Variants in DST observed in about 807,000 individuals in gnomAD.
DST encodes the protein dystonin.
Under a neutral mutation model 875.2 loss-of-function variants are expected in DST, and 253 were observed. The observed-to-expected ratio is 0.29, with a 90% CI of 0.26 to 0.32. The LOEUF is 0.32. DST is among the 10% of genes least tolerant of loss of function. DST has a pLI of 1.00. For missense variants in DST, 8,287 were observed against 9,111.6 expected (o/e 0.91, Z 3.68); for synonymous variants, 3,124 against 3,197.1 (o/e 0.98, Z 0.77).
chr6:56,830,460 C>T (rs2099785657), intron 4 of DST, among the ~76,000 whole-genome samples: 1 of 152,006 alleles, frequency 6.6e-6, no homozygotes, highest in Non-Finnish European at 1.5e-5. Flanking sequence ...CTTTATTTTC[C>T]AAAAATGTTA....
intron 2 of DST, among the ~76,000 whole-genome samples, chr6:56,917,763 T>C (rs1801946888): frequency 6.6e-6 from 1 of 152,244 alleles, no homozygotes; most frequent in African/African-American, 2.4e-5. Context: ...AGGGACAGCT[T>C]CTTTTTCATC....
chr6:56,791,130 T>C (rs760633559), intron 4 of DST, among the ~76,000 whole-genome samples: 5 of 152,196 alleles, frequency 3.3e-5, no homozygotes, highest in Non-Finnish European at 7.3e-5. Flanking sequence ...CACGAATCCT[T>C]TATCCTTTAT....
chr6:56,496,681 TA>T (rs1432454828), intron 82 of DST, among the ~76,000 whole-genome samples: 5 of 152,092 alleles, frequency 3.3e-5, no homozygotes, highest in Non-Finnish European at 5.9e-5. Flanking sequence ...GGTTTGTGTC[TA>T]AAAAGTGTCT....
intron 4 of DST, among the ~76,000 whole-genome samples, chr6:56,791,671 G>A (rs1260389545): frequency 6.6e-6 from 1 of 151,560 alleles, no homozygotes; most frequent in Non-Finnish European, 1.5e-5. Flanking sequence ...TGTGGTCCCA[G>A]CTACTCAGGA....
At chr6:56,860,850 T>C (rs984375831) in intron 3 of DST, among the ~76,000 whole-genome samples, 1 of 152,244 alleles carries the variant, frequency 6.6e-6, no homozygotes, top group African/African-American at 2.4e-5. Context: ...GTATCTATCC[T>C]TCCCAAGCTT....
chr6:56,808,626 G>T (rs2099756155), intron 4 of DST, among the ~76,000 whole-genome samples: 1 of 152,124 alleles, frequency 6.6e-6, no homozygotes, highest in Non-Finnish European at 1.5e-5. Flanking sequence ...TACGGATGTG[G>T]CTACTTAGAT....
At chr6:56,678,934 C>T (rs572196707) in intron 9 of DST, among the ~76,000 whole-genome samples, 2 of 152,072 alleles carry the variant, frequency 1.3e-5, no homozygotes, top group South Asian at 4.2e-4. Context: ...AATGTACTGC[C>T]CTTTGTTGAA....
chr6:56,634,551 G>A lies in DST; in HGVS notation c.3405C>T (p.Val1135=). ...TAGCCTCATTCCCAGTAGGACTAAT[G>A]ACCTTCCATTTAGCACGATGAGAGT... is the stretch of plus-strand genomic sequence containing the variant. ...ANNSHRAKWK[V]ISPTGNEAMV... Residue 1135 remains valine, a synonymous_variant, in exon 26 of 104, where the codon GTC becomes GTT. Transcript: ENST00000680361. 1.2e-6 allele frequency: 2 copies of A among 1,614,178 alleles called. No individual in the cohort carries two copies. The highest frequency in any genetic ancestry group is 2.2e-5 in the East Asian group (1 of 44,884).
At chr6:56,682,440 CCTCACACT>C (rs1157618528) in intron 9 of DST, among the ~76,000 whole-genome samples, 6 of 151,882 alleles carry the variant, frequency 4.0e-5, no homozygotes, top group African/African-American at 1.5e-4. Flanking sequence ...ACCAAAAAAC[CCTCACACT>C]CTTTCTTACA....
intron 3 of DST, among the ~76,000 whole-genome samples, chr6:56,893,562 C>CT (rs1282483681): frequency 0.1 from 3,660 of 35,922 alleles, 421 homozygotes; most frequent in Non-Finnish European, 0.15. Flanking sequence ...ACTTTTAGTT[C>CT]TTTTTTTTTT....
At chr6:56,481,416 G>A (rs967592498) in intron 90 of DST, among the ~76,000 whole-genome samples, 5 of 152,136 alleles carry the variant, frequency 3.3e-5, no homozygotes, top group East Asian at 1.9e-4. Flanking sequence ...ATGCATTGCC[G>A]CAGGAAAGAT....
intron 63 of DST, 77 bp downstream of exon 63, chr6:56,535,045 A>G: frequency 6.5e-7 from 1 of 1,527,982 alleles, no homozygotes; most frequent in South Asian, 1.2e-5. Context: ...TATTAATTAA[A>G]AGAGTCACAA....
At chr6:56,700,457 A>T in intron 8 of DST, among the ~76,000 whole-genome samples, 1 of 152,230 alleles carries the variant, frequency 6.6e-6, no homozygotes. Context: ...ATTAAGTATG[A>T]AACTATCCTA....
At chr6:56,798,191 T>C (rs1268189547) in intron 4 of DST, among the ~76,000 whole-genome samples, 2 of 152,214 alleles carry the variant, frequency 1.3e-5, no homozygotes, top group East Asian at 3.8e-4. Context: ...AGTCTTCCAA[T>C]GGAAGACTAT....
chr6:56,482,014 T>C (rs1441353280), intron 90 of DST, 36 bp downstream of exon 90: 1 of 1,597,266 alleles, frequency 6.3e-7, no homozygotes, highest in African/African-American at 1.3e-5. Context: ...TTTGATTTTC[T>C]AATTTAGCTT....
chr6:56,885,026 A>G (rs1334179082), intron 3 of DST, among the ~76,000 whole-genome samples: 1 of 144,050 alleles, frequency 6.9e-6, no homozygotes, highest in East Asian at 1.9e-4. Flanking sequence ...TGTGAAGCTC[A>G]TTCTATATTT....
chr6:56,587,008 C>T (rs2098166985), intron 49 of DST, among the ~76,000 whole-genome samples: 1 of 152,212 alleles, frequency 6.6e-6, no homozygotes. Context: ...GAGTGCCTCT[C>T]CTCCTCCAAA....
At chr6:56,913,955 A>C (rs957654546) in intron 2 of DST, among the ~76,000 whole-genome samples, 4 of 152,208 alleles carry the variant, frequency 2.6e-5, no homozygotes, top group African/African-American at 9.6e-5. Context: ...CCCTACTGCA[A>C]TCCTTTATCC....
chr6:56,874,371 A>G (rs1420926058), intron 3 of DST, among the ~76,000 whole-genome samples: 1 of 152,328 alleles, frequency 6.6e-6, no homozygotes, highest in East Asian at 1.9e-4. Flanking sequence ...ACTTAAATTT[A>G]TATAAATTAA....
Sources: gnomAD v4.1 joint callset for allele counts (sites outside exome capture counted in the v4.1 genomes callset) on GRCh38, gnomAD v4.1.1 for gene constraint, MANE v1.5 for transcripts, NCBI Gene and HGNC (gene_info 2026-07-23, HGNC 2026-07-21) for gene names.